Variants in UBE2E2 observed in about 807,000 individuals in gnomAD.
The protein encoded by UBE2E2 is ubiquitin-conjugating enzyme E2 E2.
Under a neutral mutation model 24.7 loss-of-function variants are expected in UBE2E2, and 6 were observed. The observed-to-expected ratio is 0.24, with a 90% confidence interval of 0.13 to 0.48. UBE2E2 has a LOEUF of 0.48. Among genes scored for constraint, UBE2E2 ranks in the 20% least tolerant of loss-of-function variants. The pLI, the probability that UBE2E2 is intolerant of heterozygous loss-of-function variation, is 0.99. For missense variants in UBE2E2, 169 were observed against 245.0 expected (o/e 0.69, Z 2.07); for synonymous variants, 104 against 83.6 (o/e 1.24, Z -1.33).
At chr3:23,302,131 T>C (rs1307900905) in intron 3 of UBE2E2, among the ~76,000 whole-genome samples, 2 of 152,170 alleles carry the variant, frequency 1.3e-5, no homozygotes, top group Non-Finnish European at 2.9e-5. Context: ...ATGATTACTT[T>C]AGGTTTCTCT....
chr3:23,239,873 T>C (rs2069102453), intron 3 of UBE2E2, among the ~76,000 whole-genome samples: 1 of 152,230 alleles, frequency 6.6e-6, no homozygotes. Context: ...ATGAATTCTT[T>C]GAAAAGGAGT....
chr3:23,519,554 T>C (rs1694813649), intron 4 of UBE2E2, among the ~76,000 whole-genome samples: 1 of 152,242 alleles, frequency 6.6e-6, no homozygotes, highest in South Asian at 2.1e-4. Context: ...TCAAAGATTA[T>C]ACATGTTAAG....
chr3:23,368,897 A>ATT (rs1457187949), intron 3 of UBE2E2, among the ~76,000 whole-genome samples: 1 of 152,222 alleles, frequency 6.6e-6, no homozygotes, highest in Non-Finnish European at 1.5e-5. Context: ...TTCTTAATGG[A>ATT]AACCAGTGAT....
At chr3:23,368,782 CAA>C (rs944175850) in intron 3 of UBE2E2, among the ~76,000 whole-genome samples, 1 of 152,018 alleles carries the variant, frequency 6.6e-6, no homozygotes, top group African/African-American at 2.4e-5. Flanking sequence ...ATTTTCACAA[CAA>C]AAAAGTCATA....
chr3:23,397,022 C>A (rs568948763), intron 3 of UBE2E2, among the ~76,000 whole-genome samples: 1 of 152,122 alleles, frequency 6.6e-6, no homozygotes, highest in African/African-American at 2.4e-5. Context: ...ATTTCCTCTT[C>A]CTGACACTTT....
At chr3:23,323,001 ATAGT>A (rs1291010555) in intron 3 of UBE2E2, among the ~76,000 whole-genome samples, 11 of 151,936 alleles carry the variant, frequency 7.2e-5, no homozygotes, top group African/African-American at 2.7e-4. Flanking sequence ...TCACTTGTCA[ATAGT>A]TAGTATTAAT....
chr3:23,431,709 A>G (rs184565020), intron 3 of UBE2E2, among the ~76,000 whole-genome samples: 162 of 152,234 alleles, frequency 1.1e-3, no homozygotes, highest in Middle Eastern at 6.8e-3. Context: ...AATAGTATAA[A>G]CAGATTTTTT....
At position 23,383,405 on chromosome 3, in the gene UBE2E2, C is replaced by T. The variant is rs920558164; in HGVS notation, c.228-116203C>T. Among the ~76,000 whole-genome samples, 6 of 151,550 alleles carry T rather than the reference C, an allele frequency of 4.0e-5. No homozygotes were observed. The East Asian group carries it at 7.7e-4, about 20-fold the overall frequency. ...TGATGATTAAATTTAGAGAAGTAGACGAAATCAACAACTATATAGAATGAA... is the reference window on the plus strand; with the variant it reads ...TGATGATTAAATTTAGAGAAGTAGATGAAATCAACAACTATATAGAATGAA... On this transcript the variant is annotated intron_variant, in intron 3 of 5. Coordinates refer to ENST00000396703, the MANE Select transcript of UBE2E2 (RefSeq NM_152653.4).
intron 3 of UBE2E2, among the ~76,000 whole-genome samples, chr3:23,372,477 G>C (rs530609087): frequency 1.3e-5 from 2 of 152,156 alleles, no homozygotes; most frequent in African/African-American, 4.8e-5. Context: ...GTCAGCAGGG[G>C]GTTAGCAGCA....
At chr3:23,467,170 G>T (rs541128937) in intron 3 of UBE2E2, among the ~76,000 whole-genome samples, 28 of 152,136 alleles carry the variant, frequency 1.8e-4, no homozygotes, top group African/African-American at 6.7e-4. Flanking sequence ...CAAAGTAACT[G>T]TTTATCAGGT....
intron 3 of UBE2E2, among the ~76,000 whole-genome samples, chr3:23,472,455 TC>T (rs1240194805): frequency 6.6e-6 from 1 of 152,140 alleles, no homozygotes; most frequent in Non-Finnish European, 1.5e-5. Flanking sequence ...ACAAGGTACT[TC>T]CAAGCACCAT....
At chr3:23,493,118 A>G (rs1056776859) in intron 3 of UBE2E2, among the ~76,000 whole-genome samples, 4 of 152,186 alleles carry the variant, frequency 2.6e-5, no homozygotes, top group African/African-American at 7.2e-5. Flanking sequence ...CAGAATCCCA[A>G]CATTGCCGAG....
intron 3 of UBE2E2, among the ~76,000 whole-genome samples, chr3:23,467,674 A>G (rs911385154): frequency 6.6e-6 from 1 of 152,166 alleles, no homozygotes. Context: ...TAACCCCACC[A>G]TTTATAGCCT....
At chr3:23,575,820 C>CA (rs1039909335) in intron 5 of UBE2E2, among the ~76,000 whole-genome samples, 111 of 152,128 alleles carry the variant, frequency 7.3e-4, no homozygotes, top group African/African-American at 2.5e-3. Context: ...GTTCTAACAG[C>CA]AAAAAATCAA....
chr3:23,278,649 A>G (rs944855242), intron 3 of UBE2E2, among the ~76,000 whole-genome samples: 2 of 152,142 alleles, frequency 1.3e-5, no homozygotes, highest in African/African-American at 2.4e-5. Context: ...TATTTGTTGA[A>G]TTGAATTAAA....
At chr3:23,359,060 C>G (rs1696042205) in intron 3 of UBE2E2, among the ~76,000 whole-genome samples, 1 of 152,190 alleles carries the variant, frequency 6.6e-6, no homozygotes, top group Non-Finnish European at 1.5e-5. Context: ...CAGCCATGAT[C>G]TGATCTCATT....
chr3:23,581,068 A>C (rs1308911345), intron 5 of UBE2E2, among the ~76,000 whole-genome samples: 2 of 151,804 alleles, frequency 1.3e-5, no homozygotes, highest in Non-Finnish European at 2.9e-5. Flanking sequence ...TTATTTTTTT[A>C]ATTTTTATTT....
At chr3:23,534,191 C>T in intron 5 of UBE2E2, 3 of 972,502 alleles carry the variant, frequency 3.1e-6, no homozygotes, top group African/African-American at 1.9e-5. Context: ...TCCAAGTCAG[C>T]TGAAATGGAA....
At chr3:23,531,498 T>C (rs1243814753) in intron 4 of UBE2E2, among the ~76,000 whole-genome samples, 2 of 152,222 alleles carry the variant, frequency 1.3e-5, no homozygotes, top group Admixed American at 1.3e-4. Context: ...TTAATTATTT[T>C]CAGTTGAAGT....
Sources: allele counts gnomAD v4.1 joint callset (sites outside exome capture counted in the v4.1 genomes callset), GRCh38; gene constraint gnomAD v4.1.1; transcripts MANE v1.5; gene names NCBI Gene and HGNC (gene_info 2026-07-23, HGNC 2026-07-21).